The following SLAMF6 variants were observed in gnomAD, a reference collection of about 807,000 sequenced individuals.
SLAMF6 encodes SLAM family member 6.
SLAMF6 carries 21 observed loss-of-function variants against 38.3 expected under a neutral mutation model. The observed-to-expected ratio is 0.55, with a 90% CI of 0.39 to 0.79. The LOEUF is 0.79. Among genes scored for constraint, SLAMF6 ranks in the 30% least tolerant of loss-of-function variants. The probability of loss-of-function intolerance (pLI) is 0.00; values close to 1 mark genes in which losing one functional copy is unlikely to be tolerated. For missense variants in SLAMF6, 341 were observed against 385.3 expected (o/e 0.89, Z 0.96); for synonymous variants, 152 against 146.3 (o/e 1.04, Z -0.28).
intron 1 of SLAMF6, among the ~76,000 whole-genome samples, chr1:160,516,174 A>G (rs999660121): frequency 1.3e-5 from 2 of 152,138 alleles, no homozygotes; most frequent in African/African-American, 2.4e-5. Flanking sequence ...AACAAAATCA[A>G]TGCAGAAGTT....
Position 160,491,408 on chromosome 1 carries a change from A to G in SLAMF6, c.383-20T>C. 1 of 1,600,238 alleles carries G rather than the reference A, an allele frequency of 6.2e-7. No homozygotes were observed. The highest frequency in any genetic ancestry group is 1.1e-5 in the South Asian group (1 of 89,262). On this transcript the variant is annotated intron_variant, in intron 2 of 7. Coordinates refer to ENST00000368057, the MANE Select transcript of SLAMF6 (RefSeq NM_001184714.2). ...GTTGTCCTGTTTGCAGAAAAAAAAA[A>G]GATCCAGATTAAGGACAAATGTCTT...
chr1:160,495,917 T>C lies in SLAMF6; in HGVS notation c.382+144A>G, dbSNP rs1033510055. 3.9e-4 allele frequency: 280 copies of C among 714,842 alleles called. 1 individual carries two copies. Among genetic ancestry groups the C allele is most frequent in the Non-Finnish European group, 7.1e-5 (31 of 434,118 alleles). The allele number at this position is 714,842 out of a possible 1,614,324, so 44.3% of individuals were successfully genotyped here. A position where few individuals can be genotyped will look rare whatever the true frequency, so the allele number is the denominator to read the frequency against. On this transcript the variant is annotated intron_variant, in intron 2 of 7. Transcript: ENST00000368057. ...GCTCTGTCATTAACTGGCTTTGCAG[T>C]GTCATTGTGTTGACACTGACTCAAT...
chr1:160,509,621 T>C (rs1654372061), intron 1 of SLAMF6, among the ~76,000 whole-genome samples: 1 of 152,090 alleles, frequency 6.6e-6, no homozygotes, highest in Non-Finnish European at 1.5e-5. Context: ...ACTTGCACGA[T>C]GTGCACATGT....
chr1:160,516,980 C>A (rs770224838), intron 1 of SLAMF6, among the ~76,000 whole-genome samples: 5 of 152,080 alleles, frequency 3.3e-5, no homozygotes, highest in Non-Finnish European at 5.9e-5. Context: ...TCACTGAAAG[C>A]AATTGCAACA....
At chr1:160,496,477 G>C in intron 1 of SLAMF6, 84 bp from the exon 2 acceptor site, 1 of 1,346,774 alleles carries the variant, frequency 7.4e-7, no homozygotes, top group Non-Finnish European at 1.0e-6. Flanking sequence ...AACGCTGCCA[G>C]TCTGTTAGAG....
Position 160,487,877 on chromosome 1 carries a change from C to T in SLAMF6, c.880-702G>A, listed in dbSNP as rs375216369. 6.6e-4 allele frequency among the ~76,000 whole-genome samples: 100 copies of T among 152,140 alleles called. 1 individual carries two copies. The Middle Eastern group carries it at 0.021, about 31-fold the overall frequency. On this transcript the variant is annotated intron_variant, in intron 6 of 7. Transcript: ENST00000368057. The stretch of plus-strand genomic sequence containing the variant: ...GGACGAGGCAGGCGGATCACTTGAG[C>T]GCAGAAGTTTGAGACCAGCCTGGGC...
chr1:160,522,899 C>T (rs987377380), intron 1 of SLAMF6, among the ~76,000 whole-genome samples: 1 of 152,144 alleles, frequency 6.6e-6, no homozygotes, highest in Admixed American at 6.6e-5. Context: ...ATTTCCTCTG[C>T]CCCAGCAAAT....
chr1:160,510,127 A>G (rs534873610), intron 1 of SLAMF6, among the ~76,000 whole-genome samples: 1 of 152,262 alleles, frequency 6.6e-6, no homozygotes, highest in East Asian at 1.9e-4. Context: ...CCTGACAAAG[A>G]AAATCCAGAT....
chr1:160,505,412 C>CT (rs139781479), intron 1 of SLAMF6, among the ~76,000 whole-genome samples: 5,680 of 152,164 alleles, frequency 0.037, 174 homozygotes, highest in African/African-American at 0.072. Context: ...AGTCAACTGT[C>CT]TTTTTTTGAG....
intron 1 of SLAMF6, among the ~76,000 whole-genome samples, chr1:160,514,664 C>T (rs567721415): frequency 6.6e-6 from 1 of 152,226 alleles, no homozygotes; most frequent in South Asian, 2.1e-4. Context: ...TCTCTCAGAC[C>T]ACAGCATAAT....
intron 1 of SLAMF6, among the ~76,000 whole-genome samples, chr1:160,510,235 A>G (rs1280125124): frequency 6.6e-6 from 1 of 152,110 alleles, no homozygotes; most frequent in African/African-American, 2.4e-5. Flanking sequence ...AACACTTCCT[A>G]AGTCATTTTA....
At chr1:160,518,402 C>A (rs1175536444) in intron 1 of SLAMF6, among the ~76,000 whole-genome samples, 2 of 152,320 alleles carry the variant, frequency 1.3e-5, no homozygotes, top group African/African-American at 4.8e-5. Flanking sequence ...AATCCCATTA[C>A]TGGGTATATA....
intron 6 of SLAMF6, among the ~76,000 whole-genome samples, chr1:160,488,352 G>T (rs900172430): frequency 1.2e-4 from 19 of 152,108 alleles, no homozygotes; most frequent in African/African-American, 4.6e-4. Context: ...TATAGGTGAA[G>T]GGAATCCAAG....
At chr1:160,513,378 C>A (rs1273331379) in intron 1 of SLAMF6, among the ~76,000 whole-genome samples, 1 of 152,094 alleles carries the variant, frequency 6.6e-6, no homozygotes, top group East Asian at 1.9e-4. Context: ...AGAGACCGAA[C>A]CTACAACTGA....
chr1:160,508,076 A>G (rs931903197), intron 1 of SLAMF6, among the ~76,000 whole-genome samples: 3 of 152,186 alleles, frequency 2.0e-5, no homozygotes, highest in Admixed American at 6.5e-5. Flanking sequence ...GAAAATGGCC[A>G]TACTGCCCAA....
At chr1:160,522,711 A>G (rs553313930) in intron 1 of SLAMF6, among the ~76,000 whole-genome samples, 47 of 152,032 alleles carry the variant, frequency 3.1e-4, no homozygotes, top group Non-Finnish European at 2.1e-4. Context: ...CAACTGAATA[A>G]TAGGTTTTTA....
At chr1:160,504,330 A>G (rs1654069470) in intron 1 of SLAMF6, among the ~76,000 whole-genome samples, 1 of 152,188 alleles carries the variant, frequency 6.6e-6, no homozygotes, top group Non-Finnish European at 1.5e-5. Flanking sequence ...AATTTGCATG[A>G]CTAGGGTAAC....
At chr1:160,504,892 G>T (rs1316530990) in intron 1 of SLAMF6, among the ~76,000 whole-genome samples, 2 of 152,304 alleles carry the variant, frequency 1.3e-5, no homozygotes, top group African/African-American at 4.8e-5. Flanking sequence ...GTTCTGAGAA[G>T]ACTCTAAGAT....
At chr1:160,503,795 T>C (rs1487385003) in intron 1 of SLAMF6, among the ~76,000 whole-genome samples, 1 of 151,428 alleles carries the variant, frequency 6.6e-6, no homozygotes, top group African/African-American at 2.4e-5. Context: ...AAACAAATGA[T>C]GGGTCAAAAA....
Sources: gnomAD v4.1 joint callset for allele counts (sites outside exome capture counted in the v4.1 genomes callset) on GRCh38, gnomAD v4.1.1 for gene constraint, MANE v1.5 for transcripts, NCBI Gene and HGNC (gene_info 2026-07-23, HGNC 2026-07-21) for gene names.